CTNNA3: variants seen among roughly 807,000 people sequenced by gnomAD.
CTNNA3 encodes the protein catenin alpha-3.
Under a neutral mutation model 95.7 loss-of-function variants are expected in CTNNA3, and 76 were observed. The ratio of observed to expected loss-of-function variants is 0.79; its 90% CI spans 0.66 to 0.96. The LOEUF is 0.96. Among genes scored for constraint, CTNNA3 ranks in the 40% least tolerant of loss-of-function variants. The pLI is 0.00. For synonymous variants in CTNNA3, 431 were observed against 374.4 expected (o/e 1.15, Z -1.74); for missense variants, 1,191 against 1,089.8 (o/e 1.09, Z -1.31).
intron 9 of CTNNA3, among the ~76,000 whole-genome samples, chr10:66,651,238 G>T (rs1371587483): frequency 2.6e-5 from 4 of 152,166 alleles, no homozygotes; most frequent in Admixed American, 1.3e-4. Context: ...AGACATAAAA[G>T]TTCTCCAAGT....
intron 13 of CTNNA3, among the ~76,000 whole-genome samples, chr10:66,238,468 C>T (rs772138932): frequency 5.9e-5 from 9 of 151,896 alleles, no homozygotes; most frequent in Admixed American, 6.6e-5. Context: ...ACTCAAATTT[C>T]TTGTCTTACC....
chr10:66,858,742 G>T (rs1167874791), intron 7 of CTNNA3, among the ~76,000 whole-genome samples: 2 of 151,794 alleles, frequency 1.3e-5, no homozygotes, highest in Non-Finnish European at 2.9e-5. Flanking sequence ...ATGTCCCTTT[G>T]TCAGTTCTGC....
chr10:67,630,014 C>T (rs1839088427), intron 2 of CTNNA3, among the ~76,000 whole-genome samples: 1 of 152,146 alleles, frequency 6.6e-6, no homozygotes, highest in Non-Finnish European at 1.5e-5. Context: ...TCATAATCAT[C>T]CCCCAGAGGC....
intron 11 of CTNNA3, among the ~76,000 whole-genome samples, chr10:66,466,159 C>T (rs980648330): frequency 6.6e-6 from 1 of 151,890 alleles, no homozygotes; most frequent in African/African-American, 2.4e-5. Flanking sequence ...AAATTTTGGC[C>T]AAAAGCCTGC....
rs564422714 is a variant in CTNNA3, at chr10:65,914,209, G to A, written c.*6121C>T. 6.6e-6 allele frequency: 1 copy of A among 152,204 alleles called. No homozygotes were observed. The highest frequency in any genetic ancestry group is 1.5e-5 in the Non-Finnish European group (1 of 67,990). The allele number at this position is 152,204 out of a possible 1,614,324, so 9.4% of individuals were successfully genotyped here. On this transcript the variant is annotated 3_prime_UTR_variant, in exon 18 of 18. Coordinates refer to ENST00000433211, the MANE Select transcript of CTNNA3 (RefSeq NM_013266.4). The stretch of plus-strand genomic sequence containing the variant: ...TAGAAATCTGAGCCTTTTTGAAAGA[G>A]AATTTTCTCCTTGAGGGCTTTCCTT...
Position 67,469,636 on chromosome 10 carries a change from C to T in CTNNA3, c.579+52206G>A, listed in dbSNP as rs1027206982. On this transcript the variant is annotated intron_variant, in intron 5 of 17. Transcript: ENST00000433211. ...GGGTGGGGGGCTAGAAGAGTGATAG[C>T]ATTAGGAGAAATACCTAATGTCAAT... Among the ~76,000 whole-genome samples the T allele has an allele frequency of 2.0e-5, 3 of 152,064 alleles. No homozygotes were observed. The South Asian group carries it at 6.2e-4, about 32-fold the overall frequency.
At chr10:67,482,009 C>T (rs570377017) in intron 5 of CTNNA3, among the ~76,000 whole-genome samples, 7 of 152,100 alleles carry the variant, frequency 4.6e-5, no homozygotes, top group African/African-American at 1.7e-4. Context: ...ATAGGGAATC[C>T]TTTCCCCATT....
At chr10:67,571,397 TA>T (rs2133289735) in intron 3 of CTNNA3, among the ~76,000 whole-genome samples, 1 of 152,320 alleles carries the variant, frequency 6.6e-6, no homozygotes, top group Admixed American at 6.5e-5. Flanking sequence ...TGCTTGAGAA[TA>T]ATTCTCTAGT....
chr10:67,726,260 A>G (rs1240093780), intron 1 of CTNNA3, among the ~76,000 whole-genome samples: 1 of 89,308 alleles, frequency 1.1e-5, no homozygotes, highest in Non-Finnish European at 1.9e-5. Flanking sequence ...ATAATATTGT[A>G]TTACATATTA....
chr10:67,451,438 A>T (rs1846978618), intron 5 of CTNNA3, among the ~76,000 whole-genome samples: 1 of 152,186 alleles, frequency 6.6e-6, no homozygotes, highest in Non-Finnish European at 1.5e-5. Context: ...AACATGATAG[A>T]TCTAGCTTAA....
chr10:67,174,432 C>T (rs191118607), intron 7 of CTNNA3, among the ~76,000 whole-genome samples: 2 of 152,164 alleles, frequency 1.3e-5, no homozygotes, highest in East Asian at 1.9e-4. Context: ...GCCAGATCTA[C>T]GTGACACCAA....
intron 7 of CTNNA3, among the ~76,000 whole-genome samples, chr10:67,088,491 C>T (rs2394343): frequency 2.6e-5 from 4 of 151,538 alleles, no homozygotes; most frequent in South Asian, 2.1e-4. Context: ...CAAAGATAAA[C>T]GGTGCCTGCA....
intron 9 of CTNNA3, among the ~76,000 whole-genome samples, chr10:66,753,128 A>G (rs1839225473): frequency 6.6e-6 from 1 of 152,006 alleles, no homozygotes; most frequent in Non-Finnish European, 1.5e-5. Context: ...GCCTGGACTA[A>G]GGGGGTTGTG....
intron 5 of CTNNA3, among the ~76,000 whole-genome samples, chr10:67,367,403 G>T (rs1487041553): frequency 6.6e-6 from 1 of 150,444 alleles, no homozygotes; most frequent in Non-Finnish European, 1.5e-5. Context: ...TTAATAAAAA[G>T]TCAAAAAAAA....
intron 11 of CTNNA3, among the ~76,000 whole-genome samples, chr10:66,427,327 G>A (rs1397334832): frequency 1.3e-5 from 2 of 148,534 alleles, no homozygotes; most frequent in African/African-American, 5.0e-5. Flanking sequence ...TTTTTTTTTT[G>A]TATTTCTATA....
At chr10:66,767,471 C>T (rs996053472) in intron 8 of CTNNA3, among the ~76,000 whole-genome samples, 2 of 107,746 alleles carry the variant, frequency 1.9e-5, no homozygotes, top group African/African-American at 7.0e-5. Flanking sequence ...AAAAAAAAAT[C>T]ATAATATCCT....
At chr10:67,439,137 C>T (rs1846407295) in intron 5 of CTNNA3, among the ~76,000 whole-genome samples, 1 of 152,042 alleles carries the variant, frequency 6.6e-6, no homozygotes, top group Non-Finnish European at 1.5e-5. Flanking sequence ...GTGACTCTTT[C>T]CTTCTGCTTG....
chr10:66,642,316 A>G (rs1204606446), intron 9 of CTNNA3, among the ~76,000 whole-genome samples: 1 of 150,856 alleles, frequency 6.6e-6, no homozygotes, highest in Non-Finnish European at 1.5e-5. Context: ...AAAACCTGAT[A>G]TCAAATCTTA....
chr10:66,438,024 G>C (rs1442875041), intron 11 of CTNNA3, among the ~76,000 whole-genome samples: 1 of 152,178 alleles, frequency 6.6e-6, no homozygotes. Context: ...ATCACCAGTG[G>C]AGGCTGCAGA....
Sources: allele counts gnomAD v4.1 joint callset (sites outside exome capture counted in the v4.1 genomes callset), GRCh38; gene constraint gnomAD v4.1.1; transcripts MANE v1.5; gene names NCBI Gene and HGNC (gene_info 2026-07-23, HGNC 2026-07-21).